Variants in PCCA observed in about 807,000 individuals in gnomAD.
PCCA encodes propionyl-CoA carboxylase subunit alpha, also known as propionyl-CoA carboxylase alpha chain, mitochondrial.
Under a neutral mutation model 101.3 loss-of-function variants are expected in PCCA, and 74 were observed. The ratio of observed to expected loss-of-function variants is 0.73; its 90% CI spans 0.61 to 0.89. The LOEUF (loss-of-function observed/expected upper bound fraction) is 0.89, where lower values mean the gene tolerates loss of function less well. Among genes scored for constraint, PCCA ranks in the 40% least tolerant of loss-of-function variants. The probability of loss-of-function intolerance (pLI) is 0.00; values close to 1 mark genes in which losing one functional copy is unlikely to be tolerated. For missense variants in PCCA, 891 were observed against 907.0 expected (o/e 0.98, Z 0.23); for synonymous variants, 294 against 313.6 (o/e 0.94, Z 0.66).
At chr13:100,247,833 G>A (rs1356788791) in intron 8 of PCCA, among the ~76,000 whole-genome samples, 2 of 152,042 alleles carry the variant, frequency 1.3e-5, no homozygotes, top group East Asian at 3.9e-4. Context: ...GATGTTTTTG[G>A]ATATCTGATG....
chr13:100,217,804 G>A (rs948212702), intron 7 of PCCA, among the ~76,000 whole-genome samples: 5 of 150,642 alleles, frequency 3.3e-5, no homozygotes, highest in Non-Finnish European at 7.4e-5. Flanking sequence ...TTTTGTGTGT[G>A]TGTGGCTGAG....
At chr13:100,428,329 C>T (rs1057211705) in intron 20 of PCCA, among the ~76,000 whole-genome samples, 1 of 132,912 alleles carries the variant, frequency 7.5e-6, no homozygotes, top group Non-Finnish European at 1.6e-5. Context: ...CCCCGACCCC[C>T]CCTACCCCCC....
At chr13:100,128,725 C>A (rs534639600) in intron 4 of PCCA, among the ~76,000 whole-genome samples, 1 of 152,124 alleles carries the variant, frequency 6.6e-6, no homozygotes, top group Non-Finnish European at 1.5e-5. Context: ...TTTCAGTCCT[C>A]TTCTGTTTGA....
intron 4 of PCCA, among the ~76,000 whole-genome samples, chr13:100,120,732 T>G (rs1177662143): frequency 6.6e-6 from 1 of 151,738 alleles, no homozygotes; most frequent in East Asian, 1.9e-4. Context: ...AAGTCATGAA[T>G]TTTTTTTTAT....
chr13:100,489,658 C>A (rs1213247678), intron 21 of PCCA, among the ~76,000 whole-genome samples: 2 of 152,278 alleles, frequency 1.3e-5, no homozygotes, highest in Middle Eastern at 6.8e-3. Flanking sequence ...GACGGAATGG[C>A]CGGCCAAATT....
At chr13:100,164,017 A>G (rs1594471802) in intron 6 of PCCA, among the ~76,000 whole-genome samples, 2 of 152,138 alleles carry the variant, frequency 1.3e-5, no homozygotes, top group South Asian at 4.1e-4. Context: ...TTCTCTTCCC[A>G]TCACTATCCT....
chr13:100,316,999 C>T (rs1352782967), intron 16 of PCCA, among the ~76,000 whole-genome samples: 2 of 152,064 alleles, frequency 1.3e-5, no homozygotes, highest in Non-Finnish European at 2.9e-5. Context: ...GTCTCAACTC[C>T]TGACCTCAGG....
chr13:100,449,149 CCA>C, intron 20 of PCCA, 101 bp from the exon 21 acceptor site: 1 of 647,246 alleles, frequency 1.5e-6, no homozygotes, highest in Non-Finnish European at 2.8e-6. Context: ...TTTTGTTTAC[CCA>C]TCCATCAGTT....
At chr13:100,357,656 G>T (rs1261499604) in intron 18 of PCCA, among the ~76,000 whole-genome samples, 1 of 152,240 alleles carries the variant, frequency 6.6e-6, no homozygotes, top group Non-Finnish European at 1.5e-5. Flanking sequence ...TTTGAAGGCT[G>T]TCGATGTACA....
intron 8 of PCCA, among the ~76,000 whole-genome samples, chr13:100,246,034 G>A (rs1409588204): frequency 6.6e-6 from 1 of 152,156 alleles, no homozygotes; most frequent in Non-Finnish European, 1.5e-5. Flanking sequence ...GTTGTTCCAA[G>A]TTCGGGCAAG....
intron 6 of PCCA, among the ~76,000 whole-genome samples, chr13:100,180,252 A>T (rs1419948077): frequency 6.6e-6 from 1 of 152,248 alleles, no homozygotes; most frequent in South Asian, 2.1e-4. Flanking sequence ...AAGAAGAAAC[A>T]GTGCCCTAGA....
intron 21 of PCCA, among the ~76,000 whole-genome samples, chr13:100,450,259 C>CTATA (rs1462778484): frequency 6.6e-6 from 1 of 151,768 alleles, no homozygotes; most frequent in Non-Finnish European, 1.5e-5. Flanking sequence ...TGGTGGGCGC[C>CTATA]TATAATCCCA....
intron 18 of PCCA, among the ~76,000 whole-genome samples, chr13:100,354,023 A>G (rs1008679856): frequency 6.6e-6 from 1 of 150,436 alleles, no homozygotes; most frequent in Non-Finnish European, 1.5e-5. Flanking sequence ...TCTTTGGGAG[A>G]TTGAGACTGG....
chr13:100,454,613 A>G (rs2081578021), intron 21 of PCCA, among the ~76,000 whole-genome samples: 1 of 152,206 alleles, frequency 6.6e-6, no homozygotes, highest in African/African-American at 2.4e-5. Context: ...TTCCAGGTAT[A>G]GATTTGTCTT....
intron 21 of PCCA, among the ~76,000 whole-genome samples, chr13:100,462,483 T>A (rs1596006705): frequency 6.6e-6 from 1 of 152,208 alleles, no homozygotes; most frequent in East Asian, 1.9e-4. Context: ...AAACATGGTA[T>A]CAGTGCTGAG....
intron 13 of PCCA, among the ~76,000 whole-genome samples, chr13:100,301,856 G>A (rs2066087632): frequency 6.6e-6 from 1 of 152,154 alleles, no homozygotes; most frequent in Non-Finnish European, 1.5e-5. Context: ...AGGCAACAGA[G>A]CATTGGTTAA....
intron 1 of PCCA, among the ~76,000 whole-genome samples, chr13:100,091,336 T>G (rs1391643241): frequency 1.3e-5 from 2 of 152,226 alleles, no homozygotes; most frequent in East Asian, 1.9e-4. Context: ...CTTACCTGGT[T>G]TTTTCCTTTT....
At chr13:100,287,835 T>G (rs2152648219) in intron 12 of PCCA, among the ~76,000 whole-genome samples, 1 of 152,264 alleles carries the variant, frequency 6.6e-6, no homozygotes, top group African/African-American at 2.4e-5. Flanking sequence ...AATCAAGAAT[T>G]TATTTTTTAG....
At chr13:100,176,398 T>A (rs2152423102) in intron 6 of PCCA, among the ~76,000 whole-genome samples, 1 of 152,380 alleles carries the variant, frequency 6.6e-6, no homozygotes, top group Middle Eastern at 3.4e-3. Context: ...GAAGAAAATG[T>A]TATAATTCTT....
Sources: gnomAD v4.1 joint callset for allele counts (sites outside exome capture counted in the v4.1 genomes callset) on GRCh38, gnomAD v4.1.1 for gene constraint, MANE v1.5 for transcripts, NCBI Gene and HGNC (gene_info 2026-07-23, HGNC 2026-07-21) for gene names.